PRKN: variants seen among roughly 807,000 people sequenced by gnomAD.
PRKN encodes E3 ubiquitin-protein ligase parkin.
PRKN carries 56 observed loss-of-function variants against 59.5 expected under a neutral mutation model. The observed-to-expected ratio is 0.94, with a 90% CI of 0.76 to 1.18. The LOEUF (loss-of-function observed/expected upper bound fraction) is 1.18, where lower values mean the gene tolerates loss of function less well. Ranked by LOEUF, PRKN falls within the 50% of genes most tolerant of loss-of-function variation. The pLI, the probability that PRKN is intolerant of heterozygous loss-of-function variation, is 0.00. For synonymous variants in PRKN, 250 were observed against 222.1 expected (o/e 1.13, Z -1.12); for missense variants, 657 against 596.4 (o/e 1.10, Z -1.06).
rs973875121 is a variant in PRKN at position 161,409,666 on chromosome 6, A to T, written c.1084-22789T>A. On this transcript the variant is annotated intron_variant, in intron 9 of 11. Transcript: ENST00000366898. The surrounding 1 kb of genome is among the most constrained non-coding windows in gnomAD (Gnocchi z 4.6). The stretch of plus-strand genomic sequence containing the variant: ...GTGTGATGTTTTGCAATAAACAGCA[A>T]TCCATGGAATAAGAATTTAAGACCC... Among the ~76,000 whole-genome samples, 9 of 152,182 alleles carry T rather than the reference A, an allele frequency of 5.9e-5. No individual in the cohort carries two copies. The highest frequency in any genetic ancestry group is 1.2e-4 in the Non-Finnish European group (8 of 68,044).
At chr6:161,913,819 T>A (rs1377890876) in intron 6 of PRKN, among the ~76,000 whole-genome samples, 3 of 152,170 alleles carry the variant, frequency 2.0e-5, no homozygotes, top group Non-Finnish European at 2.9e-5. Flanking sequence ...GGTAATTAGA[T>A]CTATATGAAG....
At chr6:161,583,021 C>T (rs924655329) in intron 7 of PRKN, among the ~76,000 whole-genome samples, 8 of 76,140 alleles carry the variant, frequency 1.1e-4, no homozygotes, top group African/African-American at 1.4e-4. Flanking sequence ...CACACACACA[C>T]ATACACATTT....
intron 6 of PRKN, among the ~76,000 whole-genome samples, chr6:161,865,716 T>C (rs1794085448): frequency 6.6e-6 from 1 of 152,224 alleles, no homozygotes; most frequent in African/African-American, 2.4e-5. Flanking sequence ...GGCCTTGCTC[T>C]GGATTAGGTT....
At chr6:161,774,056 C>G (rs1473211549) in intron 7 of PRKN, among the ~76,000 whole-genome samples, 1 of 152,118 alleles carries the variant, frequency 6.6e-6, no homozygotes, top group African/African-American at 2.4e-5. Flanking sequence ...ATAAAGGCAG[C>G]ATTTCCAAGG....
chr6:162,569,263 T>G, intron 1 of PRKN: 1 of 585,548 alleles, frequency 1.7e-6, no homozygotes, highest in Non-Finnish European at 3.2e-6. Context: ...GCCAGAGGGC[T>G]TCCCTGGAGG....
intron 4 of PRKN, among the ~76,000 whole-genome samples, chr6:162,186,860 A>G (rs1233246026): frequency 1.3e-5 from 2 of 152,156 alleles, no homozygotes; most frequent in Non-Finnish European, 2.9e-5. Flanking sequence ...ATAAGCCACT[A>G]TGCTTCCTGT....
intron 4 of PRKN, among the ~76,000 whole-genome samples, chr6:162,091,610 G>A (rs532174628): frequency 3.9e-5 from 6 of 152,130 alleles, no homozygotes; most frequent in African/African-American, 1.2e-4. Context: ...GGCACCGATC[G>A]TCTGGTTTTC....
rs758773518 is a variant in PRKN, at chr6:161,459,560, T to C, written c.1084-72683A>G. ...TGTTCACAGGAATGCCTAGAGCTTC[T>C]GGCACACAGGGTAGCAGGCCTTCCT... On this transcript the variant is annotated intron_variant, in intron 9 of 11. Coordinates refer to ENST00000366898, the MANE Select transcript of PRKN (RefSeq NM_004562.3). This position sits in a 1 kb window ranked among gnomAD's most constrained non-coding sequence, Gnocchi z 4.8. Among the ~76,000 whole-genome samples, 28 of 152,206 alleles carry C rather than the reference T, an allele frequency of 1.8e-4. No individual in the cohort carries two copies. Among genetic ancestry groups the C allele is most frequent in the South Asian group, 4.1e-4 (2 of 4,832 alleles).
intron 3 of PRKN, among the ~76,000 whole-genome samples, chr6:162,210,553 A>C (rs1785160584): frequency 6.6e-6 from 1 of 152,176 alleles, no homozygotes; most frequent in Non-Finnish European, 1.5e-5. Flanking sequence ...TAAATAGAGG[A>C]AATATAAATC....
intron 6 of PRKN, among the ~76,000 whole-genome samples, chr6:161,930,670 T>A (rs940647447): frequency 6.6e-6 from 1 of 152,142 alleles, no homozygotes; most frequent in Non-Finnish European, 1.5e-5. Context: ...ACCCTGCAAA[T>A]AGGAATATGT....
Position 161,377,307 on chromosome 6 carries a change from C to T in PRKN, c.1167+9487G>A, listed in dbSNP as rs944230115. On this transcript the variant is annotated intron_variant, in intron 10 of 11. Transcript: ENST00000366898. The surrounding 1 kb of genome is among the most constrained non-coding windows in gnomAD (Gnocchi z 4.2). Reference sequence around the variant, plus strand: ...CCCAGGCCCAAGCAGGCCCACGGGGCGTGAGCGAGCTGCACAAGCAGGTCC... The same window carrying T: ...CCCAGGCCCAAGCAGGCCCACGGGGTGTGAGCGAGCTGCACAAGCAGGTCC... 6.6e-6 allele frequency among the ~76,000 whole-genome samples: 1 copy of T among 152,234 alleles called. No homozygotes were observed. Among genetic ancestry groups the T allele is most frequent in the Non-Finnish European group, 1.5e-5 (1 of 68,046 alleles).
Position 161,503,015 on chromosome 6 carries a change from T to C in PRKN, c.1083+45839A>G, listed in dbSNP as rs1469292442. Among the ~76,000 whole-genome samples, 1 of 152,234 alleles carries C rather than the reference T, an allele frequency of 6.6e-6. No individual in the cohort carries two copies. Among genetic ancestry groups the C allele is most frequent in the Admixed American group, 6.5e-5 (1 of 15,288 alleles). On this transcript the variant is annotated intron_variant, in intron 9 of 11. Transcript: ENST00000366898. This position sits in a 1 kb window ranked among gnomAD's most constrained non-coding sequence, Gnocchi z 5.1. ...GATACATATCCAATGTTAAGCACCA[T>C]GTCTGATAGAAACTTCTTAATATGT...
At chr6:162,644,369 T>C (rs948066344) in intron 1 of PRKN, among the ~76,000 whole-genome samples, 4 of 152,118 alleles carry the variant, frequency 2.6e-5, no homozygotes, top group Admixed American at 1.3e-4. Context: ...GGTTAACATG[T>C]ACTTGCAGGA....
At chr6:162,490,880 T>A (rs558853669) in intron 1 of PRKN, among the ~76,000 whole-genome samples, 2 of 152,238 alleles carry the variant, frequency 1.3e-5, no homozygotes, top group Admixed American at 6.5e-5. Flanking sequence ...ATGCCTGTAA[T>A]CCCAGCACTT....
chr6:162,333,750 T>C (rs933765045), intron 2 of PRKN, among the ~76,000 whole-genome samples: 4 of 148,512 alleles, frequency 2.7e-5, no homozygotes, highest in African/African-American at 1.0e-4. Flanking sequence ...GAGTTGCATG[T>C]CTCTCACTTT....
At chr6:161,506,866 A>G (rs1355364886) in intron 9 of PRKN, among the ~76,000 whole-genome samples, 1 of 152,212 alleles carries the variant, frequency 6.6e-6, no homozygotes, top group East Asian at 1.9e-4. Flanking sequence ...AATTTGGGGA[A>G]CCACCTTCTG....
intron 4 of PRKN, among the ~76,000 whole-genome samples, chr6:162,127,047 C>A (rs1280672998): frequency 1.1e-4 from 17 of 152,120 alleles, no homozygotes; most frequent in Non-Finnish European, 1.3e-4. Flanking sequence ...TTACAAGCTC[C>A]CAGTTCTTTT....
chr6:161,963,855 C>G (rs899892517), intron 6 of PRKN, among the ~76,000 whole-genome samples: 1 of 152,212 alleles, frequency 6.6e-6, no homozygotes, highest in Non-Finnish European at 1.5e-5. Context: ...GTCACACTGG[C>G]ATGTCAGTCA....
intron 2 of PRKN, among the ~76,000 whole-genome samples, chr6:162,345,250 T>C (rs1191446140): frequency 3.9e-5 from 6 of 152,120 alleles, no homozygotes; most frequent in Admixed American, 2.0e-4. Flanking sequence ...GCATTGAAAA[T>C]GGTCATTTTA....
Sources: allele counts gnomAD v4.1 joint callset (sites outside exome capture counted in the v4.1 genomes callset), GRCh38; gene constraint gnomAD v4.1.1; non-coding constraint Gnocchi (gnomAD v3.1); transcripts MANE v1.5; gene names NCBI Gene and HGNC (gene_info 2026-07-23, HGNC 2026-07-21).